The following OCM2 variants were observed in gnomAD, a reference collection of about 807,000 sequenced individuals.
OCM2 encodes oncomodulin-2.
In OCM2, 6 loss-of-function variants were observed where a neutral mutation model predicts 13.6. That is an observed-to-expected ratio of 0.44 (90% confidence interval 0.24 to 0.87). OCM2 has a LOEUF of 0.87. Among genes scored for constraint, OCM2 ranks in the 40% least tolerant of loss-of-function variants. OCM2 has a pLI of 0.22. For missense variants in OCM2, 118 were observed against 136.8 expected (o/e 0.86, Z 0.68); for synonymous variants, 40 against 50.7 (o/e 0.79, Z 0.90).
At chr7:97,990,018 C>CGCCCCCG in intron 1 of OCM2, 26 bp downstream of exon 1, 3 of 722,992 alleles carry the variant, frequency 4.1e-6, no homozygotes, top group Non-Finnish European at 7.3e-6. Context: ...TGAGGAAATC[C>CGCCCCCG]CACCCCCGCC....
intron 3 of OCM2, among the ~76,000 whole-genome samples, 174 bp from the exon 4 acceptor site, chr7:97,985,157 A>G (rs1168758975): frequency 6.6e-6 from 1 of 152,186 alleles, no homozygotes; most frequent in African/African-American, 2.4e-5. Flanking sequence ...ACAGTGGCTC[A>G]TGCCTGTAAT....
intron 2 of OCM2, among the ~76,000 whole-genome samples, chr7:97,987,699 T>TTATG (rs1381229404): frequency 6.6e-6 from 1 of 151,956 alleles, no homozygotes; most frequent in African/African-American, 2.4e-5. Context: ...ATTTATTTAT[T>TTATG]TATTTGAGAC....
intron 2 of OCM2, among the ~76,000 whole-genome samples, chr7:97,987,827 C>T (rs1278565604): frequency 2.0e-5 from 3 of 152,116 alleles, no homozygotes; most frequent in East Asian, 1.9e-4. Context: ...GAATTACAGG[C>T]GTGAGCCACC....
chr7:97,986,925 T>C (rs1304499899), intron 3 of OCM2, 122 bp downstream of exon 3: 8 of 1,482,688 alleles, frequency 5.4e-6, no homozygotes, highest in Non-Finnish European at 7.3e-6. Flanking sequence ...ATGAGAAGAC[T>C]GAGGCTCGGT....
intron 2 of OCM2, among the ~76,000 whole-genome samples, chr7:97,988,056 TG>T (rs1280890513): frequency 6.6e-6 from 1 of 151,932 alleles, no homozygotes; most frequent in East Asian, 1.9e-4. Context: ...CTGGATGTGG[TG>T]GCAAGCACCT....
intron 1 of OCM2, among the ~76,000 whole-genome samples, chr7:97,989,266 C>A (rs1794705766): frequency 6.6e-6 from 1 of 151,894 alleles, no homozygotes; most frequent in Admixed American, 6.6e-5. Context: ...TAGTAGGTTT[C>A]TTTTGTCTTA....
At chr7:97,989,634 C>T (rs891632430) in intron 1 of OCM2, among the ~76,000 whole-genome samples, 6 of 151,690 alleles carry the variant, frequency 4.0e-5, no homozygotes, top group Non-Finnish European at 7.4e-5. Flanking sequence ...TCTCAAACTC[C>T]TGGGCTCAAA....
intron 3 of OCM2, among the ~76,000 whole-genome samples, chr7:97,985,431 A>AAAAAGAAAG (rs757682710): frequency 0.037 from 4,809 of 131,234 alleles, 149 homozygotes; most frequent in Non-Finnish European, 0.055. Context: ...AAAAAAAAAA[A>AAAAAGAAAG]AAAGAAAGAA....
At chr7:97,988,933 C>CTTT (rs67400420) in intron 1 of OCM2, among the ~76,000 whole-genome samples, 5 of 134,608 alleles carry the variant, frequency 3.7e-5, no homozygotes, top group African/African-American at 1.1e-4. Context: ...TTCTTTCTTT[C>CTTT]TTTTTTTTTT....
chr7:97,990,016 T>TGCCACCC, intron 1 of OCM2, 28 bp downstream of exon 1: 3 of 1,083,840 alleles, frequency 2.8e-6, no homozygotes, highest in Non-Finnish European at 4.2e-6. Context: ...TGTGAGGAAA[T>TGCCACCC]CCCACCCCCG....
At chr7:97,988,351 C>T in intron 2 of OCM2, 65 bp downstream of exon 2, 2 of 1,597,828 alleles carry the variant, frequency 1.3e-6, no homozygotes, top group African/African-American at 1.3e-5. Flanking sequence ...AGCAACCTGG[C>T]CCCCACTGCA....
intron 1 of OCM2, among the ~76,000 whole-genome samples, chr7:97,989,549 GC>G (rs1407185922): frequency 4.0e-5 from 6 of 151,754 alleles, no homozygotes; most frequent in African/African-American, 1.5e-4. Context: ...ACAGGCACAT[GC>G]CACCATGCCC....
At position 97,984,735 on chromosome 7, in the gene OCM2, G is replaced by A. The variant is rs1024739126; in HGVS notation, c.*223C>T. On this transcript the variant is annotated 3_prime_UTR_variant, in exon 4 of 4. Coordinates refer to ENST00000257627, the Ensembl canonical transcript of OCM2. ...GATTTTTAGAGGCATTGCCTGTTGG[G>A]GGAAGGGGGGCTTACAGAAGTTGTC... The A allele has an allele frequency of 2.5e-5, 14 of 552,074 alleles. 1 individual carries two copies. Among genetic ancestry groups the A allele is most frequent in the African/African-American group, 2.4e-4 (13 of 53,316 alleles). The allele number at this position is 552,074 out of a possible 1,614,324, so 34.2% of individuals were successfully genotyped here.
intron 3 of OCM2, among the ~76,000 whole-genome samples, 195 bp downstream of exon 3, chr7:97,986,852 C>T (rs1178094773): frequency 4.6e-5 from 7 of 152,060 alleles, no homozygotes; most frequent in African/African-American, 9.7e-5. Context: ...ATATACCTAC[C>T]GAGAATTATG....
chr7:97,989,950 G>T (rs754213822), intron 1 of OCM2, 94 bp downstream of exon 1: 4 of 1,314,316 alleles, frequency 3.0e-6, no homozygotes, highest in Non-Finnish European at 4.4e-6. Context: ...GAGCCACTGC[G>T]TCTGGCCGCC....
intron 3 of OCM2, among the ~76,000 whole-genome samples, chr7:97,985,431 A>AAAAGAAAGAAAGAAAGAAAGAAAG (rs1554366491): frequency 7.6e-6 from 1 of 131,554 alleles, no homozygotes; most frequent in African/African-American, 2.7e-5. Context: ...AAAAAAAAAA[A>AAAAGAAAGAAAGAAAGAAAGAAAG]AAAGAAAGAA....
intron 2 of OCM2, among the ~76,000 whole-genome samples, chr7:97,987,814 C>T (rs1794687137): frequency 6.6e-6 from 1 of 152,156 alleles, no homozygotes; most frequent in African/African-American, 2.4e-5. Flanking sequence ...TTCTGAGTAG[C>T]TGGAATTACA....
intron 1 of OCM2, among the ~76,000 whole-genome samples, chr7:97,989,312 T>G (rs1052894451): frequency 6.6e-6 from 1 of 152,082 alleles, no homozygotes; most frequent in African/African-American, 2.4e-5. Flanking sequence ...CCCAGATCTC[T>G]ATAATTTTAG....
intron 3 of OCM2, among the ~76,000 whole-genome samples, chr7:97,986,629 C>G (rs3957048): frequency 6.6e-5 from 10 of 152,232 alleles, no homozygotes; most frequent in African/African-American, 2.4e-4. Flanking sequence ...GATGAAGAGG[C>G]CTTCCTACGC....
Sources: gnomAD v4.1 joint callset for allele counts (sites outside exome capture counted in the v4.1 genomes callset) on GRCh38, gnomAD v4.1.1 for gene constraint, MANE v1.5 for transcripts, NCBI Gene and HGNC (gene_info 2026-07-23, HGNC 2026-07-21) for gene names.